HUNK: variants seen among roughly 807,000 people sequenced by gnomAD.
HUNK encodes hormonally up-regulated neu tumor-associated kinase.
A neutral mutation model predicts 61.0 loss-of-function variants in HUNK; 21 were observed. The ratio of observed to expected loss-of-function variants is 0.34; its 90% CI spans 0.24 to 0.50. The LOEUF (loss-of-function observed/expected upper bound fraction) is 0.50. Among genes scored for constraint, HUNK ranks in the 20% least tolerant of loss-of-function variants. The pLI, the probability that HUNK is intolerant of heterozygous loss-of-function variation, is 0.98. For synonymous variants in HUNK, 371 were observed against 386.1 expected, an observed-to-expected ratio of 0.96 and a Z score of 0.46; for missense variants, 772 against 945.7, an observed-to-expected ratio of 0.82 and a Z score of 2.41.
chr21:31,934,715 T>G (rs758154552), intron 2 of HUNK, among the ~76,000 whole-genome samples: 1 of 152,184 alleles, frequency 6.6e-6, no homozygotes, highest in Non-Finnish European at 1.5e-5. Flanking sequence ...TGTGTCCATA[T>G]GTACCCAATG....
chr21:31,990,022 C>G (rs763852629), intron 8 of HUNK, 107 bp from the exon 9 acceptor site: 7 of 1,029,816 alleles, frequency 6.8e-6, no homozygotes, highest in Non-Finnish European at 1.1e-5. Flanking sequence ...CTATGAAAAC[C>G]GAAACGAATA....
intron 7 of HUNK, among the ~76,000 whole-genome samples, chr21:31,978,174 G>A (rs1317334027): frequency 6.6e-6 from 1 of 152,066 alleles, no homozygotes; most frequent in Non-Finnish European, 1.5e-5. Flanking sequence ...AAAGGTTTGG[G>A]GGTTGTTTTC....
chr21:31,944,651 G>A (rs2052790302), intron 3 of HUNK, among the ~76,000 whole-genome samples: 1 of 151,956 alleles, frequency 6.6e-6, no homozygotes, highest in Admixed American at 6.6e-5. Flanking sequence ...AGGAGGAGAA[G>A]GGGAGGGAGG....
chr21:31,978,629 G>C (rs892979060), intron 7 of HUNK, among the ~76,000 whole-genome samples: 5 of 152,014 alleles, frequency 3.3e-5, no homozygotes, highest in Admixed American at 3.3e-4. Flanking sequence ...TGTCCTCTAG[G>C]TTCATCCATA....
chr21:31,962,240 G>T (rs148953045), intron 5 of HUNK, among the ~76,000 whole-genome samples: 27 of 152,318 alleles, frequency 1.8e-4, no homozygotes, highest in African/African-American at 6.0e-4. Flanking sequence ...AAAGTGAAAA[G>T]CCAGAAATAT....
chr21:31,940,905 C>T (rs972551615), intron 3 of HUNK, among the ~76,000 whole-genome samples: 7 of 152,022 alleles, frequency 4.6e-5, no homozygotes, highest in South Asian at 2.1e-4. Context: ...TCTTTTTTCT[C>T]CCACCTCAGA....
chr21:31,946,796 G>T (rs899908980), intron 4 of HUNK, among the ~76,000 whole-genome samples: 1 of 152,126 alleles, frequency 6.6e-6, no homozygotes, highest in Admixed American at 6.5e-5. Context: ...TGTATTTTTA[G>T]TGGAGACGAA....
intron 7 of HUNK, among the ~76,000 whole-genome samples, chr21:31,982,531 T>C (rs2053104862): frequency 6.6e-6 from 1 of 152,238 alleles, no homozygotes; most frequent in African/African-American, 2.4e-5. Context: ...TCTTTTGGTT[T>C]CCTCTTTTTA....
At chr21:31,883,069 C>A (rs2052320536) in intron 1 of HUNK, among the ~76,000 whole-genome samples, 1 of 151,524 alleles carries the variant, frequency 6.6e-6, no homozygotes, top group Admixed American at 6.6e-5. Flanking sequence ...ATATCCATGA[C>A]CATTTGTCAC....
Position 31,983,537 on chromosome 21 carries a change from C to A in HUNK, c.1185C>A (p.Ile395=). 6.2e-7 allele frequency: 1 copy of A among 1,613,634 alleles called. No homozygotes were observed. Among genetic ancestry groups the A allele is most frequent in the Non-Finnish European group, 8.5e-7 (1 of 1,179,730 alleles). The change falls in exon 8 of 11, where the codon ATC becomes ATA. Residue 395 remains isoleucine, a synonymous_variant. Transcript: ENST00000270112. ...TTCTCCTCTGGTAGAAATCTGACAT[C>A]CAGGACAGCCTCTGCTACAAGACCC... is the stretch of plus-strand genomic sequence containing the variant. ...LERYLSGKSD[I]QDSLCYKTRL...
intron 1 of HUNK, among the ~76,000 whole-genome samples, chr21:31,890,719 T>C (rs1397010916): frequency 6.6e-6 from 1 of 152,228 alleles, no homozygotes; most frequent in African/African-American, 2.4e-5. Context: ...CATAAATACT[T>C]GGAAGGCTTT....
intron 1 of HUNK, among the ~76,000 whole-genome samples, chr21:31,912,440 C>T (rs2052553003): frequency 6.6e-6 from 1 of 152,086 alleles, no homozygotes; most frequent in Admixed American, 6.6e-5. Flanking sequence ...TAGTGAGTTA[C>T]AGGGGAAAAT....
Position 31,927,005 on chromosome 21 carries a change from CTCTT to C in HUNK, c.554+2251_554+2254del, listed in dbSNP as rs901167531. ...TCTTCCTTTCTTTCTTTCTCTCTCTCTCTTTCTTTTTTCTTTCTTATTTCTTTAT... is the reference window on the plus strand; with the variant it reads ...TCTTCCTTTCTTTCTTTCTCTCTCTCTCTTTTTTCTTTCTTATTTCTTTAT... On this transcript the variant is annotated intron_variant, in intron 2 of 10. Transcript: ENST00000270112. Among the ~76,000 whole-genome samples the C allele has an allele frequency of 2.8e-5, 4 of 140,386 alleles. 1 individual carries two copies. Among genetic ancestry groups the C allele is most frequent in the South Asian group, 4.8e-4 (2 of 4,126 alleles). The allele number at this position is 140,386 out of a possible 152,430, so 92.1% of individuals were successfully genotyped here.
intron 4 of HUNK, among the ~76,000 whole-genome samples, chr21:31,949,016 T>C (rs931108726): frequency 7.9e-5 from 12 of 152,208 alleles, no homozygotes; most frequent in African/African-American, 2.9e-4. Context: ...TAGTCACCCC[T>C]GAACCTCAGG....
chr21:31,956,368 C>T (rs1007675583), intron 4 of HUNK, among the ~76,000 whole-genome samples: 7 of 152,136 alleles, frequency 4.6e-5, no homozygotes, highest in African/African-American at 1.4e-4. Flanking sequence ...GTGGGATGTG[C>T]CAGAAGGTTT....
intron 1 of HUNK, among the ~76,000 whole-genome samples, chr21:31,883,155 T>G (rs1199436125): frequency 6.6e-6 from 1 of 152,154 alleles, no homozygotes; most frequent in Non-Finnish European, 1.5e-5. Flanking sequence ...CTATTTTAAC[T>G]GTTGATAAGT....
At chr21:31,966,795 G>A (rs943109608) in intron 5 of HUNK, among the ~76,000 whole-genome samples, 3 of 152,068 alleles carry the variant, frequency 2.0e-5, no homozygotes, top group Non-Finnish European at 4.4e-5. Flanking sequence ...AAAAATCGGG[G>A]GACCAAGCAC....
intron 1 of HUNK, among the ~76,000 whole-genome samples, chr21:31,917,203 C>G (rs1382181761): frequency 6.6e-6 from 1 of 151,688 alleles, no homozygotes; most frequent in African/African-American, 2.4e-5. Context: ...TCTGTTTTTC[C>G]TTTTTCTGAG....
In HUNK at chr21:31,956,081, T is replaced by G. The variant is rs562115121; in HGVS notation, c.747-2762T>G. On this transcript the variant is annotated intron_variant, in intron 4 of 10. Coordinates refer to ENST00000270112, the MANE Select transcript of HUNK (RefSeq NM_014586.2). The stretch of plus-strand genomic sequence containing the variant: ...GGGTTGTTGAGGAGACTCTCAATCA[T>G]GTCAAATAAAGCACAGGCAAAAGAC... 1.5e-3 allele frequency among the ~76,000 whole-genome samples: 229 copies of G among 152,330 alleles called. 1 individual carries two copies. Among genetic ancestry groups the G allele is most frequent in the African/African-American group, 5.1e-3 (214 of 41,564 alleles).
Sources: gnomAD v4.1 joint callset for allele counts (sites outside exome capture counted in the v4.1 genomes callset) on GRCh38, gnomAD v4.1.1 for gene constraint, MANE v1.5 for transcripts, NCBI Gene and HGNC (gene_info 2026-07-23, HGNC 2026-07-21) for gene names.